SHOX: variants seen among roughly 807,000 people sequenced by gnomAD.
SHOX encodes the protein SHOX homeobox, also known as short stature homeobox protein.
Under a neutral mutation model 29.6 loss-of-function variants are expected in SHOX, and 12 were observed. That is an observed-to-expected ratio of 0.41 (90% CI 0.26 to 0.66). The LOEUF (loss-of-function observed/expected upper bound fraction) is 0.66, where lower values mean the gene tolerates loss of function less well. Ranked by LOEUF, SHOX falls within the 30% of genes least tolerant of loss-of-function variation. SHOX has a pLI of 0.35. For synonymous variants in SHOX, 214 were observed against 200.6 expected, an observed-to-expected ratio of 1.07 and a Z score of -0.57; for missense variants, 499 against 437.7, an observed-to-expected ratio of 1.14 and a Z score of -1.25.
chrX:646,820 C>G lies in SHOX; in HGVS notation c.*2184C>G, dbSNP rs1033334888. The G allele has an allele frequency of 4.6e-5, 7 of 151,416 alleles. No individual in the cohort carries two copies. The highest frequency in any genetic ancestry group is 1.7e-4 in the African/African-American group (7 of 41,082). The allele number at this position is 151,416 out of a possible 1,614,324, so 9.4% of individuals were successfully genotyped here. A position where few individuals can be genotyped will look rare whatever the true frequency, so the allele number is the denominator to read the frequency against. On this transcript the variant is annotated 3_prime_UTR_variant, in exon 5 of 5. Coordinates refer to ENST00000686671, the MANE Select transcript of SHOX (RefSeq NM_000451.4). ...TAAAAAAAAAAAAGAGAGAGAGAGG[C>G]TTTAATAGTTAAGCTGAAATTTTTA...
chrX:641,061 G>A lies in SHOX; in HGVS notation c.607G>A (p.Gly203Arg). The stretch of plus-strand genomic sequence containing the variant: ...CCGAGTGGCACCCTACGTCAACATG[G>A]GAGCCTTACGGATGCCTTTCCAACA... ...ACRVAPYVNM[G>R]ALRMPFQQVQ... The change falls in exon 4 of 5, where the codon GGA becomes AGA. Residue 203 changes from glycine (G) to arginine (R), a missense_variant. Transcript: ENST00000686671. 6.2e-7 allele frequency: 1 copy of A among 1,613,724 alleles called. No individual in the cohort carries two copies.
rs781074368 is a variant in SHOX, at chrX:650,271, G to A, written c.*5635G>A. ...TGGTGCGACGGGCTTGGTGTCTCCC[G>A]TACGGGAAGGAGGCCTTTGGGCCGC... On this transcript the variant is annotated 3_prime_UTR_variant, in exon 5 of 5. Coordinates refer to ENST00000686671, the MANE Select transcript of SHOX (RefSeq NM_000451.4). Among the ~76,000 whole-genome samples, 8 of 152,264 alleles carry A rather than the reference G, an allele frequency of 5.3e-5. No homozygotes were observed. The highest frequency in any genetic ancestry group is 2.1e-4 in the South Asian group (1 of 4,832).
At position 636,701 on chromosome X, in the gene SHOX, T is replaced by TAC. The variant is rs1338436059; in HGVS notation, c.486+1876_486+1877insCA. 2.4e-4 allele frequency among the ~76,000 whole-genome samples: 2 copies of TAC among 8,414 alleles called. 1 individual carries two copies. Among genetic ancestry groups the TAC allele is most frequent in the Non-Finnish European group, 3.3e-4 (2 of 6,032 alleles). The allele number at this position is 8,414 out of a possible 152,430, so 5.5% of individuals were successfully genotyped here. On this transcript the variant is annotated intron_variant, in intron 2 of 4. Transcript: ENST00000686671. ...TATAAACATATATATACATAAAATA[T>TAC]ATATATAAACATATATATACATAAA...
chrX:627,277 C>G (rs140739356), upstream of SHOX, among the ~76,000 whole-genome samples: 2 of 152,108 alleles, frequency 1.3e-5, no homozygotes, highest in East Asian at 3.9e-4. Flanking sequence ...GAATTGGCAA[C>G]GAAAAACGTG....
intron 1 of SHOX, 105 bp downstream of exon 1, chrX:631,279 C>T: frequency 1.4e-6 from 2 of 1,408,468 alleles, no homozygotes; most frequent in Non-Finnish European, 2.0e-6. Flanking sequence ...ATTTGCAGCT[C>T]CCGTCTCGCC....
chrX:639,404 C>T (rs898768929), intron 2 of SHOX, among the ~76,000 whole-genome samples: 14 of 145,536 alleles, frequency 9.6e-5, no homozygotes, highest in Non-Finnish European at 4.4e-5. Context: ...AAAGACACTT[C>T]CGAGGAGGCC....
Position 645,387 on chromosome X carries a change from GGTATTTT to G in SHOX, c.*752_*758del, listed in dbSNP as rs2052946056. On this transcript the variant is annotated 3_prime_UTR_variant, in exon 5 of 5. Transcript: ENST00000686671. ...ATTGGGTCTGGTTTTGTTTTGGATT[GGTATTTT>G]TTTTTTTTTTTTTTTTTTTTTTTTT... 1.2e-5 allele frequency: 1 copy of G among 85,128 alleles called. No homozygotes were observed. The highest frequency in any genetic ancestry group is 4.9e-5 in the African/African-American group (1 of 20,514). The allele number at this position is 85,128 out of a possible 1,614,324, so 5.3% of individuals were successfully genotyped here.
At chrX:626,375 C>T (rs867790895), upstream of SHOX, among the ~76,000 whole-genome samples, 1 of 103,474 alleles carries the variant, frequency 9.7e-6, no homozygotes, top group African/African-American at 4.8e-5. Context: ...TCCTCTCTCT[C>T]TTTCTCTGTC....
Position 648,564 on chromosome X carries a change from C to T in SHOX, c.*3928C>T, listed in dbSNP as rs1311868098. On this transcript the variant is annotated 3_prime_UTR_variant, in exon 5 of 5. Transcript: ENST00000686671. The stretch of plus-strand genomic sequence containing the variant: ...CTTTTAAAAGGGAGTTACTGACTCT[C>T]AACTGTGCGGGGACGGTTTCAGTTT... Among the ~76,000 whole-genome samples, 2 of 152,182 alleles carry T rather than the reference C, an allele frequency of 1.3e-5. No homozygotes were observed. The highest frequency in any genetic ancestry group is 1.5e-5 in the Non-Finnish European group (1 of 68,032).
chrX:634,283 A>C (rs1433717443), intron 1 of SHOX, among the ~76,000 whole-genome samples: 2 of 152,132 alleles, frequency 1.3e-5, no homozygotes, highest in Non-Finnish European at 2.9e-5. Flanking sequence ...GCTCTTCCTC[A>C]AATTCTTTCC....
chrX:649,829 T>G lies in SHOX; in HGVS notation c.*5193T>G, dbSNP rs1445862125. ...TGGCCAAATAGTCCGTGGAGGGTTG[T>G]CAGTCGCCGCAGTTGAGCAAAAAAC... is the stretch of plus-strand genomic sequence containing the variant. On this transcript the variant is annotated 3_prime_UTR_variant, in exon 5 of 5. Coordinates refer to ENST00000686671, the MANE Select transcript of SHOX (RefSeq NM_000451.4). 2.7e-5 allele frequency: 12 copies of G among 446,092 alleles called. No homozygotes were observed. Among genetic ancestry groups the G allele is most frequent in the Non-Finnish European group, 5.4e-5 (12 of 221,984 alleles). The allele number at this position is 446,092 out of a possible 1,614,324, so 27.6% of individuals were successfully genotyped here. A position where few individuals can be genotyped will look rare whatever the true frequency, so the allele number is the denominator to read the frequency against.
intron 1 of SHOX, 76 bp from the exon 2 acceptor site, chrX:634,542 G>A: frequency 6.7e-7 from 1 of 1,501,456 alleles, no homozygotes; most frequent in Non-Finnish European, 9.2e-7. Context: ...TTTCCACCGC[G>A]GGATGCACGA....
intron 5 of SHOX, among the ~76,000 whole-genome samples, chrX:657,689 T>A (rs1337524512): frequency 1.3e-5 from 2 of 152,214 alleles, no homozygotes; most frequent in Non-Finnish European, 2.9e-5. Context: ...CAGGGAACCG[T>A]AACCCGTCTG....
rs1258335293 is a variant in SHOX at position 649,251 on chromosome X, C to G, written c.*4615C>G. ...ACCGGGTTTCGCCATGTTGGCCAGGCTGGTCTTGAACTCCTGACCTCACAT... is the reference window on the plus strand; with the variant it reads ...ACCGGGTTTCGCCATGTTGGCCAGGGTGGTCTTGAACTCCTGACCTCACAT... On this transcript the variant is annotated 3_prime_UTR_variant, in exon 5 of 5. Coordinates refer to ENST00000686671, the MANE Select transcript of SHOX (RefSeq NM_000451.4). 6.6e-6 allele frequency among the ~76,000 whole-genome samples: 1 copy of G among 151,974 alleles called. No individual in the cohort carries two copies. The highest frequency in any genetic ancestry group is 1.5e-5 in the Non-Finnish European group (1 of 67,998).
chrX:630,928 T>G lies in SHOX; in HGVS notation c.31T>G (p.Ser11Ala). The change falls in exon 1 of 5, where the codon TCT becomes GCT. Residue 11 changes from serine (S) to alanine (A), a missense_variant. Ser to Ala is a moderately conservative substitution (Grantham distance 99). Transcript: ENST00000686671. MEELTAFVSK[S>A]FDQKSKDGNG... The stretch of plus-strand genomic sequence containing the variant: ...AGAGCTCACGGCTTTTGTATCCAAG[T>G]CTTTTGACCAGAAAAGCAAGGACGG... 6.2e-7 allele frequency: 1 copy of G among 1,613,620 alleles called. No individual in the cohort carries two copies. Among genetic ancestry groups the G allele is most frequent in the East Asian group, 2.2e-5 (1 of 44,822 alleles).
chrX:644,687 G>A lies in SHOX; in HGVS notation c.*51G>A, dbSNP rs768806888. The A allele has an allele frequency of 2.4e-4, 329 of 1,376,792 alleles. 2 individuals carry two copies. The African/African-American group carries it at 4.6e-3, about 19-fold the overall frequency. 85.3% of individuals were successfully genotyped at this position (1,376,792 alleles called of 1,614,324 possible). ...CGGACTCCCGGGCTCCGCGCACCCC[G>A]CCTGCACCGCGCGTCCTGCACTCAA... On this transcript the variant is annotated 3_prime_UTR_variant, in exon 5 of 5. Transcript: ENST00000686671.
chrX:625,058 C>CTCTCCCTCCCTCCTTCT (rs542639091), intron 1 of SHOX, among the ~76,000 whole-genome samples: 2 of 75,256 alleles, frequency 2.7e-5, no homozygotes, highest in East Asian at 2.9e-4. Flanking sequence ...TCTGTTCCTT[C>CTCTCCCTCCCTCCTTCT]CTCCCTCCCT....
rs186703425 is a variant in SHOX, at chrX:634,045, C to T, written c.278-573C>T. Among the ~76,000 whole-genome samples, 33 of 152,346 alleles carry T rather than the reference C, an allele frequency of 2.2e-4. 1 individual carries two copies. Among genetic ancestry groups the T allele is most frequent in the Admixed American group, 1.8e-3 (27 of 15,308 alleles). ...GAGATTTCTGCGCACGCGGTTCAGC[C>T]CCCAGGCGCGGTGGCGCATTCAGGT... is the stretch of plus-strand genomic sequence containing the variant. On this transcript the variant is annotated intron_variant, in intron 1 of 4. Transcript: ENST00000686671.
intron 5 of SHOX, among the ~76,000 whole-genome samples, chrX:657,221 C>T (rs998861764): frequency 1.2e-4 from 19 of 152,296 alleles, no homozygotes; most frequent in African/African-American, 4.3e-4. Context: ...GTGCAGTGAC[C>T]TCTTCAGAAA....
Sources: allele counts gnomAD v4.1 joint callset (sites outside exome capture counted in the v4.1 genomes callset), GRCh38; gene constraint gnomAD v4.1.1; transcripts MANE v1.5; gene names NCBI Gene and HGNC (gene_info 2026-07-23, HGNC 2026-07-21).